The following NDST3 variants were observed in gnomAD, a reference collection of about 807,000 sequenced individuals.
The protein encoded by NDST3 is bifunctional heparan sulfate N-deacetylase/N-sulfotransferase 3.
A neutral mutation model predicts 96.1 loss-of-function variants in NDST3; 58 were observed. That is an observed-to-expected ratio of 0.60 (90% confidence interval 0.49 to 0.75). NDST3 has a LOEUF of 0.75. Among genes scored for constraint, NDST3 ranks in the 30% least tolerant of loss-of-function variants. NDST3 has a pLI of 0.00. For synonymous variants in NDST3, 333 were observed against 359.7 expected (o/e 0.93, Z 0.84); for missense variants, 788 against 1,034.2 (o/e 0.76, Z 3.27).
At chr4:118,056,937 T>C (rs577386086) in intron 2 of NDST3, among the ~76,000 whole-genome samples, 111 of 152,140 alleles carry the variant, frequency 7.3e-4, no homozygotes, top group Non-Finnish European at 1.3e-3. Context: ...TGTGTACCTG[T>C]AACTTAAGTA....
intron 2 of NDST3, among the ~76,000 whole-genome samples, chr4:118,057,144 G>C (rs1353640976): frequency 6.6e-6 from 1 of 151,950 alleles, no homozygotes; most frequent in Non-Finnish European, 1.5e-5. Context: ...CTTAGTAATT[G>C]GCTGAATGGA....
chr4:118,196,772 T>G (rs1560711363), intron 6 of NDST3, among the ~76,000 whole-genome samples: 1 of 151,984 alleles, frequency 6.6e-6, no homozygotes, highest in Non-Finnish European at 1.5e-5. Context: ...TCAATTTTCT[T>G]TATCTTTAAA....
At position 118,058,632 on chromosome 4, in the gene NDST3, T is replaced by TGC. The variant is rs747460056; in HGVS notation, c.981+3742_981+3743insCG. On this transcript the variant is annotated intron_variant, in intron 2 of 13. Transcript: ENST00000296499. Reference sequence around the variant, plus strand: ...GTGTGTGTGTGTGTGTGTGTGTGTGTGTGCGCGCGCGCGCACGCATGCATG... The same window carrying TGC: ...GTGTGTGTGTGTGTGTGTGTGTGTGTGCGTGCGCGCGCGCGCACGCATGCATG... Among the ~76,000 whole-genome samples, 26 of 18,734 alleles carry TGC rather than the reference T, an allele frequency of 1.4e-3. No individual in the cohort carries two copies. In the East Asian group the frequency reaches 0.016, roughly 12 times the overall value. 12.3% of individuals were successfully genotyped at this position (18,734 alleles called of 152,430 possible). A position where few individuals can be genotyped will look rare whatever the true frequency, so the allele number is the denominator to read the frequency against.
chr4:118,242,349 G>C (rs1459317514), intron 12 of NDST3, among the ~76,000 whole-genome samples, 200 bp downstream of exon 12: 1 of 151,620 alleles, frequency 6.6e-6, no homozygotes, highest in East Asian at 1.9e-4. Flanking sequence ...ATTCCTAATT[G>C]TACAAAGATT....
At chr4:118,170,871 TAAA>T (rs1400022991) in intron 6 of NDST3, among the ~76,000 whole-genome samples, 1 of 152,220 alleles carries the variant, frequency 6.6e-6, no homozygotes, top group Non-Finnish European at 1.5e-5. Flanking sequence ...GAAGAGAAAG[TAAA>T]ATATAAGTCA....
intron 6 of NDST3, among the ~76,000 whole-genome samples, chr4:118,174,171 A>G (rs1736133514): frequency 6.6e-6 from 1 of 152,216 alleles, no homozygotes; most frequent in Non-Finnish European, 1.5e-5. Flanking sequence ...TCAGAAGCAC[A>G]GCTTCGTTTC....
intron 7 of NDST3, 114 bp downstream of exon 7, chr4:118,224,787 T>C (rs1209398385): frequency 3.2e-6 from 3 of 932,574 alleles, no homozygotes; most frequent in East Asian, 5.5e-5. Flanking sequence ...TTGGAAATGT[T>C]AGTAAATTTG....
chr4:118,062,853 T>A (rs1726007213), intron 2 of NDST3, among the ~76,000 whole-genome samples: 1 of 152,104 alleles, frequency 6.6e-6, no homozygotes, highest in Admixed American at 6.6e-5. Context: ...ACTGAACACA[T>A]GAATATGTAA....
intron 1 of NDST3, among the ~76,000 whole-genome samples, chr4:118,051,957 G>C (rs368486913): frequency 6.6e-6 from 1 of 151,968 alleles, no homozygotes; most frequent in Non-Finnish European, 1.5e-5. Flanking sequence ...AAATTCAGCC[G>C]CTATGGAAAG....
chr4:118,162,129 T>C (rs1578749331), intron 6 of NDST3, among the ~76,000 whole-genome samples: 1 of 152,204 alleles, frequency 6.6e-6, no homozygotes, highest in East Asian at 1.9e-4. Flanking sequence ...GAACATTCCA[T>C]GCTCATGGGT....
intron 6 of NDST3, among the ~76,000 whole-genome samples, chr4:118,178,905 A>C (rs946971688): frequency 6.6e-6 from 1 of 152,064 alleles, no homozygotes; most frequent in Admixed American, 6.6e-5. Context: ...TAGTATTGCC[A>C]AATATTGTGA....
At chr4:118,098,189 G>A (rs191168702) in intron 2 of NDST3, among the ~76,000 whole-genome samples, 34 of 151,990 alleles carry the variant, frequency 2.2e-4, no homozygotes, top group African/African-American at 8.0e-4. Flanking sequence ...GTCCCCTCAT[G>A]TGAAATCTTA....
At chr4:118,194,162 G>A in intron 6 of NDST3, 1 of 834,120 alleles carries the variant, frequency 1.2e-6, no homozygotes. Flanking sequence ...GCACTGAATG[G>A]CCCTCTCCAG....
intron 2 of NDST3, among the ~76,000 whole-genome samples, chr4:118,098,154 A>C (rs1309844709): frequency 6.6e-6 from 1 of 151,980 alleles, no homozygotes; most frequent in African/African-American, 2.4e-5. Flanking sequence ...TTCTGCAATA[A>C]CAGTAAGTGG....
chr4:118,091,969 T>A (rs1728905984), intron 2 of NDST3, among the ~76,000 whole-genome samples: 1 of 151,660 alleles, frequency 6.6e-6, no homozygotes, highest in Admixed American at 6.6e-5. Flanking sequence ...TAAAATTTTA[T>A]TGTAATGATT....
chr4:118,131,042 G>C (rs1341512218), intron 4 of NDST3, among the ~76,000 whole-genome samples: 1 of 152,132 alleles, frequency 6.6e-6, no homozygotes, highest in Non-Finnish European at 1.5e-5. Flanking sequence ...TAGATGCCTT[G>C]AGTTAGTCTT....
intron 4 of NDST3, among the ~76,000 whole-genome samples, chr4:118,127,578 T>C (rs926601894): frequency 6.6e-6 from 1 of 152,128 alleles, no homozygotes; most frequent in Non-Finnish European, 1.5e-5. Flanking sequence ...AGTAGCATGC[T>C]GTTTTGGTTA....
At chr4:118,090,022 C>G (rs1468404525) in intron 2 of NDST3, among the ~76,000 whole-genome samples, 1 of 151,918 alleles carries the variant, frequency 6.6e-6, no homozygotes, top group Non-Finnish European at 1.5e-5. Context: ...AAAAAGACCA[C>G]CTGCCACTTA....
At chr4:118,198,931 G>A (rs1428981236) in intron 6 of NDST3, among the ~76,000 whole-genome samples, 1 of 151,950 alleles carries the variant, frequency 6.6e-6, no homozygotes, top group Non-Finnish European at 1.5e-5. Context: ...CACTAGATGT[G>A]TTGGAGCTCC....
Sources: gnomAD v4.1 joint callset for allele counts (sites outside exome capture counted in the v4.1 genomes callset) on GRCh38, gnomAD v4.1.1 for gene constraint, MANE v1.5 for transcripts, NCBI Gene and HGNC (gene_info 2026-07-23, HGNC 2026-07-21) for gene names.